Variants in DEAF1 observed in about 807,000 individuals in gnomAD.
DEAF1 encodes DEAF1 transcription factor.
Under a neutral mutation model 58.9 loss-of-function variants are expected in DEAF1, and 53 were observed. That is an observed-to-expected ratio of 0.90 (90% CI 0.72 to 1.13). DEAF1 has a LOEUF of 1.13. DEAF1 is among the 50% of genes most tolerant of loss of function. DEAF1 has a pLI of 0.00. For missense variants in DEAF1, 685 were observed against 791.4 expected, an observed-to-expected ratio of 0.87 and a Z score of 1.61; for synonymous variants, 385 against 340.4, an observed-to-expected ratio of 1.13 and a Z score of -1.44.
At chr11:669,605 C>T (rs1163034965) in intron 10 of DEAF1, among the ~76,000 whole-genome samples, 2 of 150,852 alleles carry the variant, frequency 1.3e-5, no homozygotes, top group Non-Finnish European at 2.9e-5. Context: ...CATTGGATTC[C>T]AGCCTGGGCA....
chr11:687,912 T>C lies in DEAF1; in HGVS notation c.663A>G (p.Ser221=), dbSNP rs1285111360. 1 of 1,613,988 alleles carries C rather than the reference T, an allele frequency of 6.2e-7. No homozygotes were observed. The highest frequency in any genetic ancestry group is 8.5e-7 in the Non-Finnish European group (1 of 1,180,038). ...GGAGTCTGAAGTGGCAGTCCTCACC[T>C]GAGCCGAGCCTGTTCTTGTACAGAG... is the stretch of plus-strand genomic sequence containing the variant. ...SGTLYKNRLG[S]GGRGRCIKQG... The change falls in exon 4 of 12, where the codon TCA becomes TCG. Residue 221 remains serine, a splice_region_variant and synonymous_variant. Coordinates refer to ENST00000382409, the MANE Select transcript of DEAF1 (RefSeq NM_021008.4).
intron 10 of DEAF1, among the ~76,000 whole-genome samples, chr11:655,374 G>A (rs1858990501): frequency 6.6e-6 from 1 of 152,204 alleles, no homozygotes; most frequent in Admixed American, 6.5e-5. Flanking sequence ...TTTTTAATCA[G>A]CGCATAGGTC....
chr11:686,712 T>C, intron 5 of DEAF1, 146 bp downstream of exon 5: 1 of 1,060,858 alleles, frequency 9.4e-7, no homozygotes, highest in Non-Finnish European at 1.4e-6. Flanking sequence ...GGTAAATCAC[T>C]CGCCCAAGGC....
chr11:694,874 C>G lies in DEAF1; in HGVS notation c.174G>C (p.Arg58=). 2 of 1,502,022 alleles carry G rather than the reference C, an allele frequency of 1.3e-6. No homozygotes were observed. Among genetic ancestry groups the G allele is most frequent in the Non-Finnish European group, 1.8e-6 (2 of 1,130,408 alleles). 93.0% of individuals were successfully genotyped at this position (1,502,022 alleles called of 1,614,324 possible). Residue 58 remains arginine, a synonymous_variant, in exon 1 of 12, where the codon CGG becomes CGC. Coordinates refer to ENST00000382409, the MANE Select transcript of DEAF1 (RefSeq NM_021008.4). ...SEEDADSEAE[R]ETPRVTAVAV... ...CCACTGCCGTGACCCGCGGCGTCTC[C>G]CGCTCCGCCTCCGAGTCTGCGTCCT...
intron 10 of DEAF1, among the ~76,000 whole-genome samples, chr11:659,976 G>C (rs1254961721): frequency 6.6e-6 from 1 of 152,228 alleles, no homozygotes; most frequent in Admixed American, 6.5e-5. Flanking sequence ...GGTGGGGCTT[G>C]GGCAGGCAGG....
chr11:655,953 C>T (rs1859034018), intron 10 of DEAF1, among the ~76,000 whole-genome samples: 1 of 151,896 alleles, frequency 6.6e-6, no homozygotes, highest in Admixed American at 6.6e-5. Flanking sequence ...GTGCCTCAGC[C>T]TCCCCACAGC....
chr11:683,300 T>C (rs1053190438), intron 6 of DEAF1, among the ~76,000 whole-genome samples: 1 of 152,234 alleles, frequency 6.6e-6, no homozygotes, highest in Non-Finnish European at 1.5e-5. Context: ...AAAAATGTTA[T>C]AGTTTCACCT....
rs71022946 is a variant in DEAF1, at chr11:653,083, CAAAAAAAA to C, written c.1593+871_1593+878del. 2.5e-3 allele frequency among the ~76,000 whole-genome samples: 155 copies of C among 62,280 alleles called. 2 individuals carry two copies. The highest frequency in any genetic ancestry group is 9.8e-3 in the African/African-American group (137 of 14,032). 40.9% of individuals were successfully genotyped at this position (62,280 alleles called of 152,430 possible). On this transcript the variant is annotated intron_variant, in intron 11 of 11. Coordinates refer to ENST00000382409, the MANE Select transcript of DEAF1 (RefSeq NM_021008.4). Reference sequence around the variant, plus strand: ...TGGGTGACAGAATGAGACTCTGTCTCAAAAAAAAAAAAAAAAAAAAAAAAAAAGAGTGA... The same window carrying C: ...TGGGTGACAGAATGAGACTCTGTCTCAAAAAAAAAAAAAAAAAAAGAGTGA...
At chr11:682,585 T>C (rs1447728255) in intron 6 of DEAF1, among the ~76,000 whole-genome samples, 1 of 152,176 alleles carries the variant, frequency 6.6e-6, no homozygotes, top group African/African-American at 2.4e-5. Flanking sequence ...TTGGGCTGAA[T>C]GTCTGAGCCC....
At chr11:694,691 TGCGGGGCAGGCGC>T (rs951625250) in intron 1 of DEAF1, 55 bp downstream of exon 1, 610 of 1,266,312 alleles carry the variant, frequency 4.8e-4, no homozygotes, top group African/African-American at 9.8e-4. Context: ...GGGACAGTTG[TGCGGGGCAGGCGC>T]GCGGGGTAGG....
chr11:654,660 A>T, intron 10 of DEAF1: 1 of 454,772 alleles, frequency 2.2e-6, no homozygotes, highest in Non-Finnish European at 4.4e-6. Context: ...GGATCACCTG[A>T]GGTCAGGAGT....
chr11:647,471 C>T (rs1858551782), intron 11 of DEAF1, among the ~76,000 whole-genome samples: 1 of 151,884 alleles, frequency 6.6e-6, no homozygotes, highest in Admixed American at 6.6e-5. Context: ...AGAAACAAAA[C>T]CAAAAACAAA....
intron 10 of DEAF1, among the ~76,000 whole-genome samples, chr11:670,778 T>C (rs916303813): frequency 0.018 from 220 of 12,524 alleles, 3 homozygotes; most frequent in East Asian, 0.079. Context: ...TTTGTTTTTG[T>C]TTTTTTTTTT....
At chr11:693,787 A>G (rs10794333) in intron 1 of DEAF1, 76,996 of 152,204 alleles carry the variant, frequency 0.51, 20,443 homozygotes, top group East Asian at 0.73. Context: ...TGAGAAGGAG[A>G]CTGACCTGTG....
At chr11:691,368 G>A (rs1409714240) in intron 2 of DEAF1, 133 bp downstream of exon 2, 2 of 813,142 alleles carry the variant, frequency 2.5e-6, no homozygotes, top group African/African-American at 3.4e-5. Context: ...AGCAGAGCGA[G>A]CCAGTGCGTC....
chr11:701,323 G>A (rs1350151008), intron 1 of DEAF1, among the ~76,000 whole-genome samples: 1 of 151,950 alleles, frequency 6.6e-6, no homozygotes, highest in East Asian at 1.9e-4. Flanking sequence ...CAAGTAGCTG[G>A]GATTACAGGC....
intron 11 of DEAF1, among the ~76,000 whole-genome samples, chr11:649,266 C>T (rs1443441062): frequency 6.6e-6 from 1 of 150,794 alleles, no homozygotes; most frequent in Non-Finnish European, 1.5e-5. Context: ...CACACAACAA[C>T]AACAACAAAA....
At chr11:689,108 T>G (rs1281100523) in intron 2 of DEAF1, among the ~76,000 whole-genome samples, 1 of 152,140 alleles carries the variant, frequency 6.6e-6, no homozygotes, top group Non-Finnish European at 1.5e-5. Context: ...GGGGCCTCTC[T>G]GAACCCCGTG....
At chr11:699,043 G>A, upstream of DEAF1, 3 of 886,250 alleles carry the variant, frequency 3.4e-6, no homozygotes, top group Admixed American at 3.9e-5. Flanking sequence ...GAGAGTTGAT[G>A]TAACTTCCTC....
Sources: gnomAD v4.1 joint callset for allele counts (sites outside exome capture counted in the v4.1 genomes callset) on GRCh38, gnomAD v4.1.1 for gene constraint, MANE v1.5 for transcripts, NCBI Gene and HGNC (gene_info 2026-07-23, HGNC 2026-07-21) for gene names.